Variants in ZNF385D observed in about 807,000 individuals in gnomAD.
The protein encoded by ZNF385D is zinc finger protein 385D.
A neutral mutation model predicts 35.8 loss-of-function variants in ZNF385D; 15 were observed. The observed-to-expected ratio is 0.42, with a 90% confidence interval of 0.28 to 0.64. The LOEUF is 0.64. Ranked by LOEUF, ZNF385D falls within the 30% of genes least tolerant of loss-of-function variation. ZNF385D has a pLI of 0.23. For missense variants in ZNF385D, 474 were observed against 494.6 expected, an observed-to-expected ratio of 0.96 and a Z score of 0.39; for synonymous variants, 212 against 186.8, an observed-to-expected ratio of 1.13 and a Z score of -1.10.
chr3:22,361,475 T>C (rs904017409), intron 2 of ZNF385D, among the ~76,000 whole-genome samples: 2 of 152,044 alleles, frequency 1.3e-5, no homozygotes, highest in African/African-American at 4.8e-5. Flanking sequence ...CGCATAAAAG[T>C]AGGTTATCTT....
chr3:22,308,622 G>C (rs1017519272), intron 2 of ZNF385D, among the ~76,000 whole-genome samples: 1 of 151,976 alleles, frequency 6.6e-6, no homozygotes, highest in Admixed American at 6.6e-5. Context: ...AGCCACAACA[G>C]AGGCGGCATG....
rs374166302 is a variant in ZNF385D, at chr3:21,677,878, C to T, written c.23-12850G>A. 2.6e-5 allele frequency among the ~76,000 whole-genome samples: 4 copies of T among 151,906 alleles called. 1 individual carries two copies. The highest frequency in any genetic ancestry group is 2.0e-4 in the Admixed American group (3 of 15,202). On this transcript the variant is annotated intron_variant, in intron 1 of 7. Transcript: ENST00000281523. ...TCTGTAGCAGCTAATTCAACCTATG[C>T]GTACATAGGTTGATTGATTTTAATG...
intron 3 of ZNF385D, among the ~76,000 whole-genome samples, chr3:22,106,694 T>C (rs567948308): frequency 6.6e-6 from 1 of 152,172 alleles, no homozygotes; most frequent in Non-Finnish European, 1.5e-5. Context: ...TACTTGTTGG[T>C]TGTAACCCTT....
intron 2 of ZNF385D, among the ~76,000 whole-genome samples, chr3:22,310,434 C>T (rs1553645621): frequency 1.3e-5 from 2 of 151,888 alleles, no homozygotes; most frequent in Non-Finnish European, 2.9e-5. Context: ...ATTTATAGAT[C>T]TACTATAATA....
chr3:22,208,748 T>C (rs1697324168), intron 2 of ZNF385D, among the ~76,000 whole-genome samples: 1 of 151,718 alleles, frequency 6.6e-6, no homozygotes, highest in African/African-American at 2.4e-5. Flanking sequence ...AATTATTCAG[T>C]ATGCACAATA....
chr3:22,061,830 C>T (rs1181943571), intron 3 of ZNF385D, among the ~76,000 whole-genome samples: 1 of 152,142 alleles, frequency 6.6e-6, no homozygotes, highest in Non-Finnish European at 1.5e-5. Flanking sequence ...TCTGGATTAC[C>T]TTTCTTTACA....
rs1031405515 is a variant in ZNF385D, at chr3:21,734,030, T to A, written c.22+16865A>T. On this transcript the variant is annotated intron_variant, in intron 1 of 7. Coordinates refer to ENST00000281523, the MANE Select transcript of ZNF385D (RefSeq NM_024697.3). The stretch of plus-strand genomic sequence containing the variant: ...ATGCTTCCCCGTCAGAACACTCTTT[T>A]TTCATAATTTCAGAGAATATTCACT... Among the ~76,000 whole-genome samples, 5 of 152,228 alleles carry A rather than the reference T, an allele frequency of 3.3e-5. No homozygotes were observed. In the South Asian group the frequency reaches 1.0e-3, roughly 31 times the overall value.
At chr3:21,972,805 C>A (rs193153023) in intron 3 of ZNF385D, among the ~76,000 whole-genome samples, 180 of 151,828 alleles carry the variant, frequency 1.2e-3, no homozygotes, top group African/African-American at 4.1e-3. Context: ...CAACTATATG[C>A]CAATAAATTG....
chr3:22,340,983 T>G (rs908692764), intron 2 of ZNF385D, among the ~76,000 whole-genome samples: 1 of 152,156 alleles, frequency 6.6e-6, no homozygotes, highest in African/African-American at 2.4e-5. Flanking sequence ...CATGGTCTAC[T>G]TACCACATAG....
intron 3 of ZNF385D, among the ~76,000 whole-genome samples, chr3:22,024,722 A>T (rs141641130): frequency 6.6e-6 from 1 of 152,236 alleles, no homozygotes; most frequent in African/African-American, 2.4e-5. Context: ...AGAGGCAAGG[A>T]GTTTAGTGAC....
intron 3 of ZNF385D, among the ~76,000 whole-genome samples, chr3:22,019,763 T>C (rs956979425): frequency 4.6e-5 from 7 of 152,006 alleles, no homozygotes; most frequent in Admixed American, 3.3e-4. Context: ...CATTAATCTA[T>C]GCTGCGGGAA....
intron 4 of ZNF385D, among the ~76,000 whole-genome samples, chr3:21,493,008 A>G (rs1469380169): frequency 2.0e-5 from 3 of 152,114 alleles, no homozygotes; most frequent in Non-Finnish European, 4.4e-5. Flanking sequence ...GTTTTTTAAT[A>G]CAAAGGCATA....
At chr3:21,421,689 C>A (rs1023049133) in intron 7 of ZNF385D, among the ~76,000 whole-genome samples, 17 of 152,288 alleles carry the variant, frequency 1.1e-4, no homozygotes, top group African/African-American at 2.9e-4. Flanking sequence ...AAGTACTCAG[C>A]AACCTTATTT....
At chr3:21,872,408 A>T (rs1021473652) in intron 3 of ZNF385D, among the ~76,000 whole-genome samples, 1 of 152,178 alleles carries the variant, frequency 6.6e-6, no homozygotes, top group Non-Finnish European at 1.5e-5. Flanking sequence ...CTCCATATAC[A>T]CACTTTTTGA....
chr3:21,741,319 A>G (rs958760227), intron 1 of ZNF385D, among the ~76,000 whole-genome samples: 3 of 152,200 alleles, frequency 2.0e-5, no homozygotes, highest in Non-Finnish European at 1.5e-5. Flanking sequence ...CTTTTCTTTT[A>G]AAGGAAAAAA....
intron 3 of ZNF385D, among the ~76,000 whole-genome samples, chr3:22,039,658 C>T (rs954022647): frequency 3.3e-5 from 5 of 151,984 alleles, no homozygotes; most frequent in African/African-American, 9.7e-5. Context: ...AAGGAGAAAC[C>T]GTAGCTTCAT....
chr3:21,546,679 G>A (rs945204049), intron 3 of ZNF385D, among the ~76,000 whole-genome samples: 3 of 151,904 alleles, frequency 2.0e-5, no homozygotes, highest in Admixed American at 2.0e-4. Context: ...AGGTGAGTGT[G>A]GCTGATTCCT....
At chr3:21,890,336 G>A (rs1698784977) in intron 3 of ZNF385D, among the ~76,000 whole-genome samples, 1 of 152,098 alleles carries the variant, frequency 6.6e-6, no homozygotes, top group African/African-American at 2.4e-5. Context: ...AAAAGTTATG[G>A]GGCCAGGAGC....
chr3:22,195,274 T>C (rs1392237842), intron 2 of ZNF385D, among the ~76,000 whole-genome samples: 1 of 152,004 alleles, frequency 6.6e-6, no homozygotes. Flanking sequence ...AAGAAACATA[T>C]TTTAATGTGT....
Sources: gnomAD v4.1 joint callset for allele counts (sites outside exome capture counted in the v4.1 genomes callset) on GRCh38, gnomAD v4.1.1 for gene constraint, MANE v1.5 for transcripts, NCBI Gene and HGNC (gene_info 2026-07-23, HGNC 2026-07-21) for gene names.